ATP6V1B1: variants seen among roughly 807,000 people sequenced by gnomAD.
The protein encoded by ATP6V1B1 is V-type proton ATPase subunit B, kidney isoform.
Under a neutral mutation model 62.1 loss-of-function variants are expected in ATP6V1B1, and 41 were observed. The ratio of observed to expected loss-of-function variants is 0.66; its 90% CI spans 0.51 to 0.86. ATP6V1B1 has a LOEUF of 0.86. Ranked by LOEUF, ATP6V1B1 falls within the 40% of genes least tolerant of loss-of-function variation. The pLI, the probability that ATP6V1B1 is intolerant of heterozygous loss-of-function variation, is 0.00. For synonymous variants in ATP6V1B1, 253 were observed against 273.4 expected, an observed-to-expected ratio of 0.93 and a Z score of 0.74; for missense variants, 651 against 697.5, an observed-to-expected ratio of 0.93 and a Z score of 0.75.
chr2:70,940,356 C>CAAAA, intron 1 of ATP6V1B1: 2 of 435,496 alleles, frequency 4.6e-6, no homozygotes, highest in Non-Finnish European at 3.0e-6. Context: ...ACCTCCCTAT[C>CAAAA]CAGCCCACCC....
rs782125038 is a variant in ATP6V1B1, at chr2:70,935,913, G to A, written c.-42G>A. 1.9e-6 allele frequency: 3 copies of A among 1,559,456 alleles called. No individual in the cohort carries two copies. The highest frequency in any genetic ancestry group is 2.3e-5 in the South Asian group (2 of 87,764). ...ACCTGAAGTCTCAGAGCTGCCACCAGCAGCAGGCTCAGACACTGGGCTCCC... is the reference window on the plus strand; with the variant it reads ...ACCTGAAGTCTCAGAGCTGCCACCAACAGCAGGCTCAGACACTGGGCTCCC... On this transcript the variant is annotated 5_prime_UTR_variant, in exon 1 of 14. Transcript: ENST00000234396.
intron 2 of ATP6V1B1, among the ~76,000 whole-genome samples, chr2:70,957,160 C>T (rs1680458142): frequency 1.4e-5 from 2 of 146,360 alleles, no homozygotes; most frequent in South Asian, 2.2e-4. Context: ...GATGTCGGCT[C>T]ACTGCAACCT....
chr2:70,947,713 C>T (rs1680218615), intron 2 of ATP6V1B1: 1 of 152,430 alleles, frequency 6.6e-6, no homozygotes, highest in Admixed American at 6.5e-5. Flanking sequence ...ACTTCCAGTC[C>T]TCCGTGTGTA....
At chr2:70,941,826 G>C (rs1331617433) in intron 1 of ATP6V1B1, 34 of 985,774 alleles carry the variant, frequency 3.4e-5, no homozygotes, top group Non-Finnish European at 4.0e-5. Context: ...AGGAGTGTGA[G>C]TCTTCAGAGG....
chr2:70,946,036 A>G (rs1182221315), intron 2 of ATP6V1B1, among the ~76,000 whole-genome samples: 2 of 151,994 alleles, frequency 1.3e-5, no homozygotes, highest in Non-Finnish European at 2.9e-5. Flanking sequence ...ATTGGCCATG[A>G]ACTGTGTTTT....
intron 4 of ATP6V1B1, 96 bp from the exon 5 acceptor site, chr2:70,958,922 G>T: frequency 8.2e-7 from 1 of 1,220,834 alleles, no homozygotes; most frequent in Non-Finnish European, 1.2e-6. Flanking sequence ...CTCCTGTGGG[G>T]AGTGGGTGGG....
chr2:70,955,067 A>T (rs1357323109), intron 2 of ATP6V1B1, among the ~76,000 whole-genome samples: 2 of 152,228 alleles, frequency 1.3e-5, no homozygotes, highest in African/African-American at 4.8e-5. Context: ...GTGCACAGAC[A>T]GCAGAGCTCA....
intron 2 of ATP6V1B1, among the ~76,000 whole-genome samples, chr2:70,944,812 G>C (rs1390406736): frequency 6.6e-6 from 1 of 152,092 alleles, no homozygotes; most frequent in African/African-American, 2.4e-5. Flanking sequence ...GGGACTACAG[G>C]CACCCGCTAC....
chr2:70,960,706 T>TA (rs1680563884), intron 6 of ATP6V1B1, among the ~76,000 whole-genome samples: 1 of 152,202 alleles, frequency 6.6e-6, no homozygotes, highest in African/African-American at 2.4e-5. Flanking sequence ...TTGGGACTGT[T>TA]ACTCTGTCCT....
At chr2:70,938,046 C>G (rs189683382) in intron 1 of ATP6V1B1, among the ~76,000 whole-genome samples, 314 of 152,214 alleles carry the variant, frequency 2.1e-3, no homozygotes, top group Middle Eastern at 0.021. Context: ...GCAGGGGAGC[C>G]CCTCTAGGCT....
intron 2 of ATP6V1B1, among the ~76,000 whole-genome samples, chr2:70,944,759 T>C (rs764380736): frequency 7.3e-4 from 105 of 144,692 alleles, no homozygotes; most frequent in Non-Finnish European, 1.2e-3. Flanking sequence ...AGCTCCGCCC[T>C]CCAGGTTCAC....
chr2:70,952,015 TTATAATA>T (rs1319368531), intron 2 of ATP6V1B1, among the ~76,000 whole-genome samples: 1 of 152,228 alleles, frequency 6.6e-6, no homozygotes, highest in Non-Finnish European at 1.5e-5. Context: ...TAGGTAACAA[TTATAATA>T]TAGGCATCTC....
Position 70,952,128 on chromosome 2 carries a change from T to C in ATP6V1B1, c.175-5918T>C, listed in dbSNP as rs114926135. On this transcript the variant is annotated intron_variant, in intron 2 of 13. Coordinates refer to ENST00000234396, the MANE Select transcript of ATP6V1B1 (RefSeq NM_001692.4). ...TTTGGTTAATAGTTTAGTGTTCAAG[T>C]AGTTGCCTTCCATTCCTGTTTTATA... Among the ~76,000 whole-genome samples the C allele has an allele frequency of 8.5e-3, 1,296 of 152,228 alleles. 25 individuals are homozygous for C. Among genetic ancestry groups the C allele is most frequent in the African/African-American group, 0.029 (1,214 of 41,540 alleles).
In ATP6V1B1 at chr2:70,963,631, G is replaced by T. The variant is rs1553420527; in HGVS notation, c.1120G>T (p.Asp374Tyr). The T allele has an allele frequency of 7.4e-6, 12 of 1,614,028 alleles. No individual in the cohort carries two copies. Among genetic ancestry groups the T allele is most frequent in the Non-Finnish European group, 1.0e-5 (12 of 1,180,012 alleles). The change falls in exon 11 of 14, where the codon GAC becomes TAC. Residue 374 changes from aspartate (D) to tyrosine (Y), a missense_variant. Physicochemically the swap from Asp to Tyr is radical, Grantham distance 160. Transcript: ENST00000234396. This position sits in a 1 kb window ranked among gnomAD's most constrained non-coding sequence, Gnocchi z 4.3. Reference sequence around the variant, plus strand: ...CATCACAGAGGGACAGATCTACGTGGACAGACAGCTTCACAACAGACAGGT... The same window carrying T: ...CATCACAGAGGGACAGATCTACGTGTACAGACAGCTTCACAACAGACAGGT... ...GFITEGQIYV[D>Y]RQLHNRQIYP... is the part of the protein sequence containing the mutation.
Position 70,959,947 on chromosome 2 carries a change from A to G in ATP6V1B1, c.454A>G (p.Ile152Val), listed in dbSNP as rs1553419745. 6.2e-7 allele frequency: 1 copy of G among 1,614,192 alleles called. No homozygotes were observed. The highest frequency in any genetic ancestry group is 8.5e-7 in the Non-Finnish European group (1 of 1,180,036). The change falls in exon 6 of 14, where the codon ATC (isoleucine) becomes GTC (valine). Residue 152 changes from isoleucine to valine, a missense_variant. Physicochemically the swap from Ile to Val is conservative, Grantham distance 29. Coordinates refer to ENST00000234396, the MANE Select transcript of ATP6V1B1 (RefSeq NM_001692.4). This position sits in a 1 kb window ranked among gnomAD's most constrained non-coding sequence, Gnocchi z 4.2. Reference sequence around the variant, plus strand: ...TGATCGCCCTCTCCCAGGCCAGCCCATCAACCCGCACTCCCGCATCTACCC... The same window carrying G: ...TGATCGCCCTCTCCCAGGCCAGCCCGTCAACCCGCACTCCCGCATCTACCC... ...EDFLDINGQP[I>V]NPHSRIYPEE...
At chr2:70,958,797 G>A (rs1680508559) in intron 4 of ATP6V1B1, among the ~76,000 whole-genome samples, 2 of 152,166 alleles carry the variant, frequency 1.3e-5, no homozygotes, top group Non-Finnish European at 2.9e-5. Context: ...ATGGTCCTGG[G>A]CCAAGGCCTT....
intron 2 of ATP6V1B1, among the ~76,000 whole-genome samples, chr2:70,953,006 C>G (rs1315479167): frequency 1.3e-5 from 2 of 152,190 alleles, no homozygotes; most frequent in Admixed American, 1.3e-4. Flanking sequence ...CAGGGTCCCT[C>G]TCTGTCACCC....
chr2:70,953,033 C>T (rs1680357040), intron 2 of ATP6V1B1, among the ~76,000 whole-genome samples: 1 of 152,200 alleles, frequency 6.6e-6, no homozygotes, highest in Non-Finnish European at 1.5e-5. Context: ...GTGGTGCAAT[C>T]TCAGCTCACT....
chr2:70,936,885 G>A lies in ATP6V1B1; in HGVS notation c.118+813G>A, dbSNP rs1679866398. Among the ~76,000 whole-genome samples, 6 of 152,230 alleles carry A rather than the reference G, an allele frequency of 3.9e-5. No individual in the cohort carries two copies. In the South Asian group the frequency reaches 1.2e-3, roughly 32 times the overall value. On this transcript the variant is annotated intron_variant, in intron 1 of 13. Coordinates refer to ENST00000234396, the MANE Select transcript of ATP6V1B1 (RefSeq NM_001692.4). ...CTGGGATGTACCCTTGTCAATTTCA[G>A]AGGGGAGGCCCTACTTGTGGCTCCT...
Sources: allele counts gnomAD v4.1 joint callset (sites outside exome capture counted in the v4.1 genomes callset), GRCh38; gene constraint gnomAD v4.1.1; non-coding constraint Gnocchi (gnomAD v3.1); transcripts MANE v1.5; gene names NCBI Gene and HGNC (gene_info 2026-07-23, HGNC 2026-07-21).